CSMD2: variants seen among roughly 807,000 people sequenced by gnomAD.
CSMD2 encodes the protein CUB and Sushi multiple domains 2.
In CSMD2, 130 loss-of-function variants were observed where a neutral mutation model predicts 398.5. The observed-to-expected ratio is 0.33, with a 90% CI of 0.28 to 0.38. The LOEUF is 0.38. CSMD2 is among the 10% of genes least tolerant of loss of function. The pLI, the probability that CSMD2 is intolerant of heterozygous loss-of-function variation, is 1.00. For synonymous variants in CSMD2, 1,828 were observed against 1,908.5 expected (o/e 0.96, Z 1.10); for missense variants, 3,829 against 4,764.9 (o/e 0.80, Z 5.78).
chr1:34,128,390 G>A (rs1662969131), intron 1 of CSMD2, among the ~76,000 whole-genome samples: 1 of 152,212 alleles, frequency 6.6e-6, no homozygotes, highest in African/African-American at 2.4e-5. Context: ...CCCGCAGGAA[G>A]GGATGCTGCG....
At chr1:33,878,293 T>C (rs751855376) in intron 5 of CSMD2, 4 of 152,246 alleles carry the variant, frequency 2.6e-5, no homozygotes, top group Non-Finnish European at 5.9e-5. Flanking sequence ...ATGGGCTAGA[T>C]GTACATGAGA....
In CSMD2 at chr1:33,625,112, G is replaced by A. The variant is rs752352184; in HGVS notation, c.5439C>T (p.Ile1813=). ...AGGCCCCAGGCACAGGGAGGCACTCGATCTCTGGCGACCCCTGCAGGGCAT... is the reference window on the plus strand; with the variant it reads ...AGGCCCCAGGCACAGGGAGGCACTCAATCTCTGGCGACCCCTGCAGGGCAT... ...SGYALQGSPE[I]ECLPVPGALA... The change falls in exon 34 of 71, where the codon ATC becomes ATT. Residue 1813 remains isoleucine (I), a synonymous_variant. Coordinates refer to ENST00000373381, the MANE Select transcript of CSMD2 (RefSeq NM_001281956.2). The A allele has an allele frequency of 3.7e-5, 60 of 1,613,970 alleles. No homozygotes were observed. The highest frequency in any genetic ancestry group is 4.2e-5 in the Non-Finnish European group (50 of 1,180,012).
intron 2 of CSMD2, among the ~76,000 whole-genome samples, chr1:34,055,820 T>C (rs1464597996): frequency 6.6e-6 from 1 of 152,208 alleles, no homozygotes; most frequent in Non-Finnish European, 1.5e-5. Context: ...CAACTCAACC[T>C]TCAGCCCCTC....
chr1:33,814,479 T>A (rs1473670234), intron 9 of CSMD2, among the ~76,000 whole-genome samples: 1 of 152,194 alleles, frequency 6.6e-6, no homozygotes, highest in East Asian at 1.9e-4. Flanking sequence ...CTTCCTCTTA[T>A]CTCCCCTTAC....
In CSMD2 at chr1:33,672,397, C is replaced by T. The variant is rs562737474; in HGVS notation, c.4053-9305G>A. ...AGCAGTCTGAGATCAAACTGCAAGGCGGCAGCAAGGCTGGGGGAGGGGCGC... is the reference window on the plus strand; with the variant it reads ...AGCAGTCTGAGATCAAACTGCAAGGTGGCAGCAAGGCTGGGGGAGGGGCGC... On this transcript the variant is annotated intron_variant, in intron 25 of 70. Transcript: ENST00000373381. Among the ~76,000 whole-genome samples, 63 of 152,296 alleles carry T rather than the reference C, an allele frequency of 4.1e-4. 1 individual carries two copies. The South Asian group carries it at 4.1e-3, about 10-fold the overall frequency.
At chr1:33,717,103 C>T (rs573650944) in intron 19 of CSMD2, among the ~76,000 whole-genome samples, 3 of 151,988 alleles carry the variant, frequency 2.0e-5, no homozygotes, top group Non-Finnish European at 4.4e-5. Context: ...GTGTCCCAGG[C>T]AGGAGACCCA....
intron 2 of CSMD2, among the ~76,000 whole-genome samples, chr1:34,037,757 T>A (rs376351757): frequency 1.3e-5 from 2 of 152,226 alleles, no homozygotes; most frequent in African/African-American, 4.8e-5. Context: ...TCTCTGAGAA[T>A]GGCATTCCTC....
intron 26 of CSMD2, among the ~76,000 whole-genome samples, chr1:33,662,622 T>C (rs1364736160): frequency 6.6e-6 from 1 of 152,224 alleles, no homozygotes; most frequent in South Asian, 2.1e-4. Flanking sequence ...AACATCTTCC[T>C]TGATGCTCCA....
chr1:33,541,318 A>T lies in CSMD2; in HGVS notation c.9278-9T>A, dbSNP rs1357010930. On this transcript the variant is annotated splice_polypyrimidine_tract_variant and intron_variant, in intron 58 of 70. Transcript: ENST00000373381. ...GTCACCACAGTTTATGACTAGGATA[A>T]GAGAGATATAGCATTGTTCACTCCT... 6.2e-7 allele frequency: 1 copy of T among 1,612,252 alleles called. No homozygotes were observed. Among genetic ancestry groups the T allele is most frequent in the Non-Finnish European group, 8.5e-7 (1 of 1,178,456 alleles).
intron 1 of CSMD2, among the ~76,000 whole-genome samples, chr1:34,150,089 T>C (rs1437613686): frequency 6.9e-6 from 1 of 145,392 alleles, no homozygotes; most frequent in Non-Finnish European, 1.5e-5. Context: ...CTTTTTTTTT[T>C]GTTTTTTTTT....
At chr1:33,671,758 A>G (rs1644507601) in intron 25 of CSMD2, among the ~76,000 whole-genome samples, 1 of 152,080 alleles carries the variant, frequency 6.6e-6, no homozygotes, top group Non-Finnish European at 1.5e-5. Flanking sequence ...CAGAGCCTAA[A>G]TCTAAGAAGC....
intron 2 of CSMD2, among the ~76,000 whole-genome samples, chr1:34,054,166 C>T (rs1653548504): frequency 1.3e-5 from 2 of 151,606 alleles, no homozygotes; most frequent in South Asian, 4.2e-4. Context: ...TGGATTTTGC[C>T]TGTTTTTCCA....
rs1656492321 is a variant in CSMD2, at chr1:33,542,887, C to T, written c.9110G>A (p.Cys3037Tyr). Reference sequence around the variant, plus strand: ...ATTACTTGGAGTCCCAGGGTTCCCACAAGAGATCACTAGGAAGACAAAAAT... The same window carrying T: ...ATTACTTGGAGTCCCAGGGTTCCCATAAGAGATCACTAGGAAGACAAAAAT... ...GSQPECGVIS[C>Y]GNPGTPSNAR... Residue 3037 changes from cysteine (C) to tyrosine (Y), a missense_variant, in exon 58 of 71, where the codon TGT (cysteine) becomes TAT (tyrosine). Around this residue, in one of 5 missense-constraint regions of CSMD2, gnomAD observed 917 missense variants for 1,199.5 expected, o/e 0.76. Transcript: ENST00000373381. 6.2e-7 allele frequency: 1 copy of T among 1,614,010 alleles called. No homozygotes were observed. Among genetic ancestry groups the T allele is most frequent in the Non-Finnish European group, 8.5e-7 (1 of 1,179,916 alleles).
In CSMD2 at chr1:33,788,697, C is replaced by T. The variant is rs756512510; in HGVS notation, c.1566G>A (p.Ser522=). 19 of 1,611,582 alleles carry T rather than the reference C, an allele frequency of 1.2e-5. No homozygotes were observed. Among genetic ancestry groups the T allele is most frequent in the East Asian group, 4.5e-5 (2 of 44,864 alleles). The change falls in exon 12 of 71, where the codon TCG becomes TCA. Residue 522 remains serine (S), a synonymous_variant. Coordinates refer to ENST00000373381, the MANE Select transcript of CSMD2 (RefSeq NM_001281956.2). ...TGGTGCTGACAATGAGATCCGGGAC[C>T]GATGTACCTGTCAGGCTGGCAGGAG... ...KTVLYILTGT[S]VPDLIVSTNH... is the part of the protein sequence containing the mutation.
Position 33,936,795 on chromosome 1 carries a change from C to G in CSMD2, c.518-841G>C, listed in dbSNP as rs954089101. 2.6e-5 allele frequency among the ~76,000 whole-genome samples: 4 copies of G among 152,304 alleles called. No homozygotes were observed. In the East Asian group the frequency reaches 7.7e-4, roughly 29 times the overall value. On this transcript the variant is annotated intron_variant, in intron 3 of 70. Transcript: ENST00000373381. ...CCCCCAGAGTTAGAACTGCCTGTGC[C>G]TTAAAGGTCAACACCTCCTATCATT... is the stretch of plus-strand genomic sequence containing the variant.
At position 34,038,937 on chromosome 1, in the gene CSMD2, C is replaced by T. The variant is rs994301194; in HGVS notation, c.405-6231G>A. 2.0e-5 allele frequency among the ~76,000 whole-genome samples: 3 copies of T among 152,192 alleles called. 1 individual carries two copies. Among genetic ancestry groups the T allele is most frequent in the South Asian group, 4.1e-4 (2 of 4,828 alleles). The stretch of plus-strand genomic sequence containing the variant: ...CTGTGGTTTCAGTTCCTTCAATTTG[C>T]CATGCCCCATCTTCAGGGTCTTTGC... On this transcript the variant is annotated intron_variant, in intron 2 of 70. Transcript: ENST00000373381.
intron 1 of CSMD2, among the ~76,000 whole-genome samples, chr1:34,110,660 G>A (rs1442934751): frequency 6.6e-6 from 1 of 152,068 alleles, no homozygotes; most frequent in Admixed American, 6.6e-5. Flanking sequence ...TTATAAGTGG[G>A]AGCTAAGTGA....
At chr1:33,699,138 T>C (rs1397790760) in intron 23 of CSMD2, among the ~76,000 whole-genome samples, 194 bp from the exon 24 acceptor site, 1 of 152,212 alleles carries the variant, frequency 6.6e-6, no homozygotes, top group African/African-American at 2.4e-5. Context: ...CATTTCTCTG[T>C]TGCTATATGT....
chr1:33,829,070 A>T (rs1163496045), intron 6 of CSMD2, among the ~76,000 whole-genome samples: 3 of 152,248 alleles, frequency 2.0e-5, no homozygotes, highest in Non-Finnish European at 4.4e-5. Flanking sequence ...GCCTGTAGCC[A>T]CCACATGGTC....
Sources: allele counts gnomAD v4.1 joint callset (sites outside exome capture counted in the v4.1 genomes callset), GRCh38; gene constraint gnomAD v4.1.1; regional missense constraint gnomAD v4.1.1; transcripts MANE v1.5; gene names NCBI Gene and HGNC (gene_info 2026-07-23, HGNC 2026-07-21).